Variants in DYNC1I1 observed in about 807,000 individuals in gnomAD.
DYNC1I1 encodes cytoplasmic dynein 1 intermediate chain 1.
Under a neutral mutation model 86.6 loss-of-function variants are expected in DYNC1I1, and 43 were observed. That is an observed-to-expected ratio of 0.50 (90% confidence interval 0.39 to 0.64). The LOEUF (loss-of-function observed/expected upper bound fraction) is 0.64. Ranked by LOEUF, DYNC1I1 falls within the 30% of genes least tolerant of loss-of-function variation. The pLI is 0.00. For synonymous variants in DYNC1I1, 262 were observed against 283.7 expected, an observed-to-expected ratio of 0.92 and a Z score of 0.77; for missense variants, 604 against 788.8, an observed-to-expected ratio of 0.77 and a Z score of 2.81.
chr7:95,772,949 C>T (rs1335102226), intron 1 of DYNC1I1, among the ~76,000 whole-genome samples, 176 bp downstream of exon 1: 1 of 152,162 alleles, frequency 6.6e-6, no homozygotes, highest in Admixed American at 6.5e-5. Flanking sequence ...CCGCTGAGCC[C>T]GAAGGCGGCC....
chr7:95,827,910 TG>T, intron 4 of DYNC1I1, 146 bp from the exon 5 acceptor site: 2 of 681,066 alleles, frequency 2.9e-6, no homozygotes, highest in Admixed American at 2.1e-5. Context: ...TGATAGTCAC[TG>T]GGGGTGGAGG....
intron 6 of DYNC1I1, among the ~76,000 whole-genome samples, chr7:95,923,002 A>G (rs929063813): frequency 1.8e-4 from 27 of 152,122 alleles, no homozygotes; most frequent in African/African-American, 6.3e-4. Flanking sequence ...TTTAATTCAA[A>G]TTAAAATTAA....
intron 10 of DYNC1I1, among the ~76,000 whole-genome samples, chr7:96,011,166 T>A (rs1794266957): frequency 6.6e-6 from 1 of 152,172 alleles, no homozygotes; most frequent in Non-Finnish European, 1.5e-5. Flanking sequence ...AAGAAAGATG[T>A]TATTGCCACC....
chr7:96,002,846 TTTG>T (rs1391243697), intron 10 of DYNC1I1, among the ~76,000 whole-genome samples: 1 of 147,774 alleles, frequency 6.8e-6, no homozygotes, highest in African/African-American at 2.7e-5. Context: ...TTGTGTTTTT[TTTG>T]TTTGTTTGTT....
chr7:95,797,443 C>G (rs541701245), intron 1 of DYNC1I1, among the ~76,000 whole-genome samples: 2 of 152,228 alleles, frequency 1.3e-5, no homozygotes, highest in South Asian at 4.1e-4. Flanking sequence ...CTAAAGACTT[C>G]TGAAAAGATT....
At chr7:96,039,557 C>G in intron 14 of DYNC1I1, 136 bp downstream of exon 14, 1 of 979,966 alleles carries the variant, frequency 1.0e-6, no homozygotes. Context: ...CTGGTGAGCT[C>G]AGTCTACCTC....
intron 16 of DYNC1I1, among the ~76,000 whole-genome samples, chr7:96,087,229 A>G (rs940459404): frequency 5.9e-5 from 9 of 152,228 alleles, no homozygotes; most frequent in African/African-American, 1.9e-4. Flanking sequence ...AAGTGGGCAT[A>G]CGAAACACAA....
intron 10 of DYNC1I1, among the ~76,000 whole-genome samples, chr7:96,022,754 A>C (rs921532189): frequency 6.6e-6 from 1 of 151,834 alleles, no homozygotes; most frequent in African/African-American, 2.4e-5. Flanking sequence ...AATCCCAGCT[A>C]CTCAGGAGGC....
At chr7:96,020,555 G>A (rs1794521334) in intron 10 of DYNC1I1, among the ~76,000 whole-genome samples, 1 of 151,930 alleles carries the variant, frequency 6.6e-6, no homozygotes, top group Admixed American at 6.6e-5. Context: ...ATTTGAGTGG[G>A]GACACAGTCA....
chr7:95,918,307 C>G (rs1365767933), intron 6 of DYNC1I1, among the ~76,000 whole-genome samples: 1 of 152,184 alleles, frequency 6.6e-6, no homozygotes, highest in East Asian at 1.9e-4. Context: ...GTCTAAGTGT[C>G]CACTAGTGAT....
intron 3 of DYNC1I1, among the ~76,000 whole-genome samples, chr7:95,811,121 T>C (rs778729264): frequency 1.1e-4 from 16 of 152,184 alleles, no homozygotes; most frequent in Non-Finnish European, 2.1e-4. Context: ...GTCTGTGACC[T>C]CATTTTATCA....
chr7:96,029,442 C>T (rs1279108336), intron 11 of DYNC1I1, among the ~76,000 whole-genome samples: 2 of 152,138 alleles, frequency 1.3e-5, no homozygotes, highest in Admixed American at 1.3e-4. Flanking sequence ...CTGAACATAC[C>T]TTCTGAAATT....
intron 5 of DYNC1I1, among the ~76,000 whole-genome samples, chr7:95,863,880 A>AATTT (rs4014681): frequency 0.73 from 110,234 of 151,776 alleles, 41,569 homozygotes; most frequent in Non-Finnish European, 0.84. Flanking sequence ...GCTTTGCAAG[A>AATTT]ATTATTCATA....
At chr7:95,911,074 A>G (rs548932778) in intron 6 of DYNC1I1, among the ~76,000 whole-genome samples, 8 of 152,324 alleles carry the variant, frequency 5.3e-5, no homozygotes, top group African/African-American at 1.7e-4. Flanking sequence ...CTGAAGAGGC[A>G]TTCTCACTCA....
intron 7 of DYNC1I1, among the ~76,000 whole-genome samples, chr7:95,978,061 A>C (rs1793354131): frequency 6.6e-6 from 1 of 152,196 alleles, no homozygotes; most frequent in Non-Finnish European, 1.5e-5. Context: ...TGCCTGTATA[A>C]GGAGGAACAA....
chr7:95,848,824 A>G (rs1250339930), intron 5 of DYNC1I1, among the ~76,000 whole-genome samples: 2 of 152,144 alleles, frequency 1.3e-5, no homozygotes, highest in African/African-American at 2.4e-5. Context: ...TAATGGCTAT[A>G]CTAATGTACA....
At chr7:96,084,654 C>T (rs1388067077) in intron 16 of DYNC1I1, among the ~76,000 whole-genome samples, 1 of 151,992 alleles carries the variant, frequency 6.6e-6, no homozygotes, top group African/African-American at 2.4e-5. Context: ...AACTCCTGAC[C>T]TCAGGTGATC....
intron 5 of DYNC1I1, among the ~76,000 whole-genome samples, chr7:95,841,475 A>C (rs1789280280): frequency 6.6e-6 from 1 of 152,184 alleles, no homozygotes; most frequent in South Asian, 2.1e-4. Context: ...ACGAGCCTGC[A>C]AGGCCATTCA....
rs914832300 is a variant in DYNC1I1, at chr7:96,103,975, T to G, written c.1543-6004T>G. The stretch of plus-strand genomic sequence containing the variant: ...TTTGGTATTGTAGGTCTTCTTATTT[T>G]AGCTATTTTGGTGAGCATGAAATGG... On this transcript the variant is annotated intron_variant, in intron 16 of 16. Coordinates refer to the DYNC1I1 transcript ENST00000537881. Among the ~76,000 whole-genome samples the G allele has an allele frequency of 3.9e-5, 6 of 152,202 alleles. No homozygotes were observed. The East Asian group carries it at 7.7e-4, about 20-fold the overall frequency.
Sources: gnomAD v4.1 joint callset for allele counts (sites outside exome capture counted in the v4.1 genomes callset) on GRCh38, gnomAD v4.1.1 for gene constraint, MANE v1.5 for transcripts, NCBI Gene and HGNC (gene_info 2026-07-23, HGNC 2026-07-21) for gene names.